ST18: variants seen among roughly 807,000 people sequenced by gnomAD.
ST18 encodes ST18 C2H2C-type zinc finger transcription factor.
A neutral mutation model predicts 110.0 loss-of-function variants in ST18; 50 were observed. That is an observed-to-expected ratio of 0.45 (90% CI 0.36 to 0.58). ST18 has a LOEUF of 0.58. Among genes scored for constraint, ST18 ranks in the 20% least tolerant of loss-of-function variants. ST18 has a pLI of 0.00. For missense variants in ST18, 1,306 were observed against 1,280.1 expected (o/e 1.02, Z -0.31); for synonymous variants, 461 against 452.4 (o/e 1.02, Z -0.24).
chr8:52,172,171 T>C lies in ST18; in HGVS notation c.690A>G (p.Leu230=), dbSNP rs771541196. ...CAGTTTTTATTTCAGGAACTTCCAATAGGTCTTTTTTATGATCTGTTAAAA... is the reference window on the plus strand; with the variant it reads ...CAGTTTTTATTTCAGGAACTTCCAACAGGTCTTTTTTATGATCTGTTAAAA... ...KYVLTDHKKD[L]LEVPEIKTEG... The change falls in exon 10 of 26, where the codon CTA becomes CTG. Residue 230 remains leucine (L), a synonymous_variant. Transcript: ENST00000689386. The C allele has an allele frequency of 1.4e-5, 23 of 1,614,070 alleles. No homozygotes were observed. Among genetic ancestry groups the C allele is most frequent in the Non-Finnish European group, 1.7e-5 (20 of 1,180,048 alleles).
At chr8:52,360,265 T>C (rs1825119533) in intron 2 of ST18, among the ~76,000 whole-genome samples, 1 of 152,072 alleles carries the variant, frequency 6.6e-6, no homozygotes, top group Non-Finnish European at 1.5e-5. Context: ...TAATTTAAAA[T>C]GCATGTTTAT....
intron 2 of ST18, among the ~76,000 whole-genome samples, chr8:52,372,921 C>T (rs2140655937): frequency 6.6e-6 from 1 of 152,242 alleles, no homozygotes; most frequent in South Asian, 2.1e-4. Context: ...CAGAGCATAC[C>T]TGAATTTTTT....
At chr8:52,233,036 A>G (rs915188199) in intron 2 of ST18, among the ~76,000 whole-genome samples, 2 of 152,190 alleles carry the variant, frequency 1.3e-5, no homozygotes, top group African/African-American at 2.4e-5. Flanking sequence ...TTCCACAGAT[A>G]TTTATTTTAA....
At chr8:52,334,265 T>TA (rs1055129678) in intron 2 of ST18, among the ~76,000 whole-genome samples, 1 of 152,234 alleles carries the variant, frequency 6.6e-6, no homozygotes, top group African/African-American at 2.4e-5. Flanking sequence ...AAATTTTCAC[T>TA]AAAAAATGTT....
intron 2 of ST18, among the ~76,000 whole-genome samples, chr8:52,338,878 C>T (rs1372995882): frequency 6.6e-6 from 1 of 152,118 alleles, no homozygotes; most frequent in Non-Finnish European, 1.5e-5. Flanking sequence ...GCTGAGACTA[C>T]AGGCACAAGC....
At chr8:52,113,490 G>T (rs1586011829) in intron 25 of ST18, 152 bp from the exon 26 acceptor site, 5 of 776,002 alleles carry the variant, frequency 6.4e-6, no homozygotes, top group African/African-American at 1.7e-5. Context: ...GGAGAGAGAC[G>T]GAGTGTGTGT....
intron 2 of ST18, among the ~76,000 whole-genome samples, chr8:52,319,233 T>G (rs925404525): frequency 2.2e-4 from 34 of 152,334 alleles, no homozygotes; most frequent in African/African-American, 7.9e-4. Context: ...CGATTTCAGG[T>G]ATGTTTGAAA....
chr8:52,348,414 GTCT>G (rs201459534), intron 2 of ST18, among the ~76,000 whole-genome samples: 1,959 of 152,284 alleles, frequency 0.013, 26 homozygotes, highest in Non-Finnish European at 0.022. Context: ...CCACTGTCCT[GTCT>G]TCTTCTATTT....
intron 2 of ST18, among the ~76,000 whole-genome samples, chr8:52,286,687 G>A (rs896827266): frequency 2.0e-5 from 3 of 151,488 alleles, no homozygotes; most frequent in Admixed American, 6.6e-5. Context: ...TTTTCCTCAC[G>A]TTTGAAACCA....
At chr8:52,246,578 C>T (rs1048164561) in intron 2 of ST18, 2 of 152,110 alleles carry the variant, frequency 1.3e-5, no homozygotes, top group African/African-American at 4.8e-5. Context: ...GAATTTTTAA[C>T]ATGTTACCTT....
chr8:52,348,342 A>G (rs1818655170), intron 2 of ST18, among the ~76,000 whole-genome samples: 1 of 152,238 alleles, frequency 6.6e-6, no homozygotes, highest in African/African-American at 2.4e-5. Flanking sequence ...GCTTTGAACA[A>G]GAGAAAGCCC....
intron 2 of ST18, among the ~76,000 whole-genome samples, chr8:52,382,880 C>CT (rs1213824910): frequency 6.6e-6 from 1 of 151,758 alleles, no homozygotes; most frequent in African/African-American, 2.4e-5. Context: ...GGGACACGCC[C>CT]TAGGGAAGTG....
At chr8:52,376,861 T>G (rs1458844031) in intron 2 of ST18, among the ~76,000 whole-genome samples, 1 of 152,222 alleles carries the variant, frequency 6.6e-6, no homozygotes, top group Non-Finnish European at 1.5e-5. Context: ...TCATAATGTC[T>G]TCATAAATCT....
intron 8 of ST18, among the ~76,000 whole-genome samples, chr8:52,185,308 A>G (rs1473841984): frequency 6.6e-6 from 1 of 152,226 alleles, no homozygotes; most frequent in Non-Finnish European, 1.5e-5. Context: ...CAAAGTGTTC[A>G]TGGATGAAAA....
intron 8 of ST18, among the ~76,000 whole-genome samples, chr8:52,185,715 A>G (rs2071828500): frequency 6.6e-6 from 1 of 152,204 alleles, no homozygotes; most frequent in African/African-American, 2.4e-5. Context: ...TTAATTGGAT[A>G]TCTATCTGAA....
Position 52,149,801 on chromosome 8 carries a change from A to G in ST18, c.1983T>C (p.Cys661=). 1 of 1,614,196 alleles carries G rather than the reference A, an allele frequency of 6.2e-7. No individual in the cohort carries two copies. The change falls in exon 16 of 26, where the codon TGT becomes TGC. Residue 661 remains cysteine, a synonymous_variant. Transcript: ENST00000689386. ...TAGGAGTGTCCCAGCCCTCTTGGTCACAAAGAGCCTGATAGAATGCTGCAT... is the reference window on the plus strand; with the variant it reads ...TAGGAGTGTCCCAGCCCTCTTGGTCGCAAAGAGCCTGATAGAATGCTGCAT... The part of the protein sequence containing the change: ...LVNAAFYQAL[C]DQEGWDTPIN...
At chr8:52,177,816 T>C (rs1430237915) in intron 9 of ST18, among the ~76,000 whole-genome samples, 1 of 152,200 alleles carries the variant, frequency 6.6e-6, no homozygotes, top group East Asian at 1.9e-4. Context: ...CAAATCTCTT[T>C]GGTCCCCAAT....
intron 2 of ST18, among the ~76,000 whole-genome samples, chr8:52,255,611 A>G (rs183537850): frequency 6.6e-6 from 1 of 152,324 alleles, no homozygotes; most frequent in East Asian, 1.9e-4. Flanking sequence ...ACATATTAAC[A>G]TTTTTAAAAC....
chr8:52,213,964 A>G (rs147958326), intron 7 of ST18, among the ~76,000 whole-genome samples: 66 of 152,322 alleles, frequency 4.3e-4, no homozygotes, highest in African/African-American at 1.5e-3. Flanking sequence ...AAATCCACTC[A>G]TGATTGCATT....
Sources: allele counts gnomAD v4.1 joint callset (sites outside exome capture counted in the v4.1 genomes callset), GRCh38; gene constraint gnomAD v4.1.1; transcripts MANE v1.5; gene names NCBI Gene and HGNC (gene_info 2026-07-23, HGNC 2026-07-21).